ARL6IP6: variants seen among roughly 807,000 people sequenced by gnomAD.
ARL6IP6 encodes the protein ADP-ribosylation factor-like protein 6-interacting protein 6.
Under a neutral mutation model 21.5 loss-of-function variants are expected in ARL6IP6, and 22 were observed. The observed-to-expected ratio is 1.02, with a 90% CI of 0.73 to 1.46. ARL6IP6 has a LOEUF of 1.46. ARL6IP6 is among the 40% of genes most tolerant of loss of function. The probability of loss-of-function intolerance (pLI) is 0.00; values close to 1 mark genes in which losing one functional copy is unlikely to be tolerated. For synonymous variants in ARL6IP6, 164 were observed against 125.3 expected, an observed-to-expected ratio of 1.31 and a Z score of -2.06; for missense variants, 388 against 299.8, an observed-to-expected ratio of 1.29 and a Z score of -2.17.
In ARL6IP6 at chr2:152,760,120, T is replaced by TGAG. The variant is rs1701768840; in HGVS notation, c.*280_*281insGAG. ...CTTTTTACTTTTGTGTGTGTAGTTC[T>TGAG]TTCAAGTTGTAGGAAACATTTTAAT... is the stretch of plus-strand genomic sequence containing the variant. On this transcript the variant is annotated 3_prime_UTR_variant, in exon 4 of 4. Transcript: ENST00000326446. 4.1e-6 allele frequency: 1 copy of TGAG among 242,360 alleles called. No homozygotes were observed. Among genetic ancestry groups the TGAG allele is most frequent in the Admixed American group, 5.2e-5 (1 of 19,200 alleles). The allele number at this position is 242,360 out of a possible 1,614,324, so 15.0% of individuals were successfully genotyped here. A position where few individuals can be genotyped will look rare whatever the true frequency, so the allele number is the denominator to read the frequency against.
At chr2:152,759,690 C>G (rs1045650988) in intron 3 of ARL6IP6, 57 bp from the exon 4 acceptor site, 2 of 1,427,028 alleles carry the variant, frequency 1.4e-6, no homozygotes, top group African/African-American at 2.8e-5. Flanking sequence ...CTTTTGGTGT[C>G]TTTGTTATAC....
chr2:152,720,694 T>A, intron 2 of ARL6IP6, 108 bp downstream of exon 2: 1 of 979,772 alleles, frequency 1.0e-6, no homozygotes, highest in Non-Finnish European at 1.5e-6. Flanking sequence ...CTATGTGCAG[T>A]CATTCAGTCT....
Position 152,759,878 on chromosome 2 carries a change from A to G in ARL6IP6, c.*38A>G. 1 of 1,537,102 alleles carries G rather than the reference A, an allele frequency of 6.5e-7. No homozygotes were observed. Among genetic ancestry groups the G allele is most frequent in the East Asian group, 2.3e-5 (1 of 44,438 alleles). The stretch of plus-strand genomic sequence containing the variant: ...GCGATATTGTTGGCAAAACTTAATC[A>G]TGATTGTTTTGTAATAACAAGAAGG... On this transcript the variant is annotated 3_prime_UTR_variant, in exon 4 of 4. Coordinates refer to ENST00000326446, the MANE Select transcript of ARL6IP6 (RefSeq NM_152522.7).
At chr2:152,759,616 TTTTG>T in intron 3 of ARL6IP6, 127 bp from the exon 4 acceptor site, 1 of 664,732 alleles carries the variant, frequency 1.5e-6, no homozygotes, top group Non-Finnish European at 2.6e-6. Context: ...ATTCTTTAAG[TTTTG>T]TATTCATATG....
chr2:152,736,520 C>G (rs866435523), intron 3 of ARL6IP6, among the ~76,000 whole-genome samples: 1 of 152,154 alleles, frequency 6.6e-6, no homozygotes, highest in Admixed American at 6.5e-5. Flanking sequence ...TCACCAAGTC[C>G]AGTCCTTCCT....
intron 3 of ARL6IP6, among the ~76,000 whole-genome samples, chr2:152,743,221 C>T (rs189524640): frequency 6.6e-6 from 1 of 152,048 alleles, no homozygotes; most frequent in Non-Finnish European, 1.5e-5. Context: ...TATGTAGCTG[C>T]AGGTTAATAG....
At chr2:152,729,539 A>C (rs1048826249) in intron 2 of ARL6IP6, among the ~76,000 whole-genome samples, 1 of 152,142 alleles carries the variant, frequency 6.6e-6, no homozygotes, top group Non-Finnish European at 1.5e-5. Flanking sequence ...TGTTCCTTGG[A>C]GCATTGTTTG....
Position 152,718,653 on chromosome 2 carries a change from C to T in ARL6IP6, c.29C>T (p.Ser10Leu), listed in dbSNP as rs370204153. Reference protein sequence around the residue: MSFAESGWRSALRRRGPGTP... With the variant: MSFAESGWRLALRRRGPGTP... ...TCGTTTGCTGAGAGCGGGTGGCGGTCGGCTCTGCGGCGCCGCGGTCCCGGC... is the reference window on the plus strand; with the variant it reads ...TCGTTTGCTGAGAGCGGGTGGCGGTTGGCTCTGCGGCGCCGCGGTCCCGGC... Residue 10 changes from serine to leucine, a missense_variant, in exon 1 of 4, where the codon TCG becomes TTG. Physicochemically the swap from Ser to Leu is moderately radical, Grantham distance 145. Coordinates refer to ENST00000326446, the MANE Select transcript of ARL6IP6 (RefSeq NM_152522.7). The T allele has an allele frequency of 7.8e-6, 12 of 1,547,712 alleles. No individual in the cohort carries two copies. The highest frequency in any genetic ancestry group is 2.3e-5 in the East Asian group (1 of 43,558).
intron 2 of ARL6IP6, among the ~76,000 whole-genome samples, chr2:152,733,415 C>T (rs1700416758): frequency 6.6e-6 from 1 of 152,104 alleles, no homozygotes; most frequent in African/African-American, 2.4e-5. Flanking sequence ...CAGTCATGCA[C>T]CACCATGCCC....
intron 1 of ARL6IP6, among the ~76,000 whole-genome samples, chr2:152,719,490 T>G (rs1256684535): frequency 6.6e-6 from 1 of 152,196 alleles, no homozygotes; most frequent in Non-Finnish European, 1.5e-5. Flanking sequence ...AATTTCTTCT[T>G]TTATAGGTAA....
chr2:152,728,060 T>G (rs190969254), intron 2 of ARL6IP6, among the ~76,000 whole-genome samples: 3 of 152,342 alleles, frequency 2.0e-5, no homozygotes, highest in Admixed American at 1.3e-4. Flanking sequence ...AATACATGTT[T>G]TTTTCACTGT....
intron 2 of ARL6IP6, among the ~76,000 whole-genome samples, chr2:152,721,463 A>C (rs1321777103): frequency 2.0e-5 from 3 of 152,168 alleles, no homozygotes; most frequent in Non-Finnish European, 4.4e-5. Flanking sequence ...TTCCAGTGAA[A>C]AAGGTTATTC....
intron 2 of ARL6IP6, among the ~76,000 whole-genome samples, chr2:152,723,157 A>AT: frequency 6.6e-6 from 1 of 152,338 alleles, no homozygotes; most frequent in South Asian, 2.1e-4. Flanking sequence ...AAATTGCCTC[A>AT]TTAGTTTACC....
intron 3 of ARL6IP6, among the ~76,000 whole-genome samples, chr2:152,741,387 T>C (rs1307290361): frequency 6.6e-6 from 1 of 150,888 alleles, no homozygotes; most frequent in Admixed American, 6.6e-5. Context: ...TCTGCAGACT[T>C]AAGTACCTGG....
At position 152,753,154 on chromosome 2, in the gene ARL6IP6, G is replaced by A. The variant is rs888203838; in HGVS notation, c.588-6593G>A. The stretch of plus-strand genomic sequence containing the variant: ...ACCCTGTCTCAAAAAAAAAATAAAA[G>A]CAGGAGACTGAAAGGAAGCCACCAT... On this transcript the variant is annotated intron_variant, in intron 3 of 3. Coordinates refer to ENST00000326446, the MANE Select transcript of ARL6IP6 (RefSeq NM_152522.7). Among the ~76,000 whole-genome samples, 9 of 152,078 alleles carry A rather than the reference G, an allele frequency of 5.9e-5. No individual in the cohort carries two copies. The South Asian group carries it at 1.5e-3, about 25-fold the overall frequency.
chr2:152,746,843 T>TTTC, intron 3 of ARL6IP6, among the ~76,000 whole-genome samples: 1 of 146,520 alleles, frequency 6.8e-6, no homozygotes, highest in East Asian at 2.0e-4. Flanking sequence ...TTTTTTTTTT[T>TTTC]TTGAGGTCTT....
At chr2:152,728,984 G>A (rs1206607819) in intron 2 of ARL6IP6, among the ~76,000 whole-genome samples, 1 of 151,870 alleles carries the variant, frequency 6.6e-6, no homozygotes, top group Non-Finnish European at 1.5e-5. Flanking sequence ...CTTGAACCTG[G>A]GAGGCGGAGG....
At chr2:152,717,893 C>T (rs1252327964), upstream of ARL6IP6, 6 of 1,014,344 alleles carry the variant, frequency 5.9e-6, no homozygotes, top group South Asian at 1.5e-4. Context: ...TTAGCGGTGG[C>T]TGGGACCGAA....
chr2:152,718,911 G>A lies in ARL6IP6; in HGVS notation c.287G>A (p.Gly96Asp), dbSNP rs750630515. ...KRNGIFPAAA[G>D]SRAQPRRWPV... ...AATGGTATCTTTCCCGCGGCCGCGG[G>A]CAGCAGAGCCCAGCCTCGGCGGTGG... is the stretch of plus-strand genomic sequence containing the variant. Residue 96 changes from glycine to aspartate, a missense_variant, in exon 1 of 4, where the codon GGC (glycine) becomes GAC (aspartate). Coordinates refer to ENST00000326446, the MANE Select transcript of ARL6IP6 (RefSeq NM_152522.7). The A allele has an allele frequency of 9.3e-6, 15 of 1,613,952 alleles. No individual in the cohort carries two copies. In the Admixed American group the frequency reaches 1.0e-4, roughly 11 times the overall value.
Sources: allele counts gnomAD v4.1 joint callset (sites outside exome capture counted in the v4.1 genomes callset), GRCh38; gene constraint gnomAD v4.1.1; transcripts MANE v1.5; gene names NCBI Gene and HGNC (gene_info 2026-07-23, HGNC 2026-07-21).